CSMD1: variants seen among roughly 807,000 people sequenced by gnomAD.
The protein encoded by CSMD1 is CUB and Sushi multiple domains 1, also known as CUB and sushi domain-containing protein 1.
In CSMD1, 213 loss-of-function variants were observed where a neutral mutation model predicts 417.5. That is an observed-to-expected ratio of 0.51 (90% confidence interval 0.46 to 0.57). CSMD1 has a LOEUF of 0.57. Ranked by LOEUF, CSMD1 falls within the 20% of genes least tolerant of loss-of-function variation. CSMD1 has a pLI of 0.00. For missense variants in CSMD1, 6,923 were observed against 4,529.7 expected, an observed-to-expected ratio of 1.53 and a Z score of -15.17; for synonymous variants, 2,862 against 1,736.8, an observed-to-expected ratio of 1.65 and a Z score of -16.11.
chr8:4,225,641 A>G (rs1210690111), intron 3 of CSMD1, among the ~76,000 whole-genome samples: 1 of 152,066 alleles, frequency 6.6e-6, no homozygotes, highest in Non-Finnish European at 1.5e-5. Flanking sequence ...CTGCATCATA[A>G]CCAGAGAAAT....
At chr8:4,171,987 T>C (rs1244386621) in intron 3 of CSMD1, among the ~76,000 whole-genome samples, 1 of 152,198 alleles carries the variant, frequency 6.6e-6, no homozygotes, top group Non-Finnish European at 1.5e-5. Context: ...TTCATTTGAA[T>C]ATCACGGTTT....
At chr8:4,091,963 A>C (rs890402302) in intron 3 of CSMD1, among the ~76,000 whole-genome samples, 14 of 152,312 alleles carry the variant, frequency 9.2e-5, no homozygotes, top group African/African-American at 3.1e-4. Flanking sequence ...GGACTCACGT[A>C]ACTCTGCTAA....
At chr8:4,089,181 A>T (rs755420164) in intron 3 of CSMD1, among the ~76,000 whole-genome samples, 70 of 152,298 alleles carry the variant, frequency 4.6e-4, no homozygotes, top group Middle Eastern at 3.4e-3. Flanking sequence ...TTATGGTGAC[A>T]ATCTGTTTGG....
intron 3 of CSMD1, among the ~76,000 whole-genome samples, chr8:4,328,868 C>T (rs771493842): frequency 6.6e-6 from 1 of 152,188 alleles, no homozygotes; most frequent in Admixed American, 6.6e-5. Flanking sequence ...ATAACTGAAA[C>T]TCATAAAATG....
At chr8:3,434,803 C>T (rs1351875033) in intron 12 of CSMD1, among the ~76,000 whole-genome samples, 2 of 152,208 alleles carry the variant, frequency 1.3e-5, no homozygotes, top group African/African-American at 4.8e-5. Flanking sequence ...CCTTACACTT[C>T]TCGCCTATAT....
intron 5 of CSMD1, among the ~76,000 whole-genome samples, chr8:3,945,178 C>A (rs200600983): frequency 3.8e-3 from 446 of 118,756 alleles, no homozygotes; most frequent in Middle Eastern, 4.5e-3. Flanking sequence ...ATGAGAAAGA[C>A]AAAAAAAAAA....
chr8:4,094,838 G>A (rs148503434), intron 3 of CSMD1, among the ~76,000 whole-genome samples: 121 of 152,332 alleles, frequency 7.9e-4, no homozygotes, highest in African/African-American at 2.4e-3. Flanking sequence ...GGAAATAAAG[G>A]TGAAGCATAG....
chr8:4,057,507 T>G (rs529274742), intron 3 of CSMD1, among the ~76,000 whole-genome samples: 104 of 152,328 alleles, frequency 6.8e-4, no homozygotes, highest in African/African-American at 2.4e-3. Context: ...GACGGTAGTT[T>G]GTTTTGCTGT....
intron 2 of CSMD1, among the ~76,000 whole-genome samples, chr8:4,606,275 G>A (rs1192447074): frequency 6.6e-6 from 1 of 151,912 alleles, no homozygotes; most frequent in Non-Finnish European, 1.5e-5. Flanking sequence ...ATTAACCTAA[G>A]ACAAGGGACT....
chr8:3,564,418 T>C (rs1563158095), intron 10 of CSMD1, among the ~76,000 whole-genome samples: 1 of 152,208 alleles, frequency 6.6e-6, no homozygotes, highest in South Asian at 2.1e-4. Context: ...TGCAAGTCTA[T>C]TGTCTACAGC....
At chr8:4,963,694 G>C (rs1473547028) in intron 1 of CSMD1, among the ~76,000 whole-genome samples, 5 of 152,164 alleles carry the variant, frequency 3.3e-5, no homozygotes, top group African/African-American at 1.2e-4. Context: ...AGACACAGGT[G>C]TCTAAAAGCT....
chr8:3,935,303 C>A (rs529073143), intron 5 of CSMD1, among the ~76,000 whole-genome samples: 12 of 152,310 alleles, frequency 7.9e-5, no homozygotes, highest in Non-Finnish European at 1.8e-4. Flanking sequence ...CACTCCATAT[C>A]AGCATGAAAC....
In CSMD1 at chr8:3,849,861, G is replaced by A. The variant is rs1250982132; in HGVS notation, c.819-95819C>T. 2.0e-5 allele frequency among the ~76,000 whole-genome samples: 3 copies of A among 152,226 alleles called. No individual in the cohort carries two copies. The East Asian group carries it at 5.8e-4, about 29-fold the overall frequency. ...GATGGAGTCTCGCTCTGTCGCCCAG[G>A]CTGTAGTACAGTGGCGCAATCTCAG... On this transcript the variant is annotated intron_variant, in intron 5 of 69. Coordinates refer to ENST00000635120, the MANE Select transcript of CSMD1 (RefSeq NM_033225.6).
intron 3 of CSMD1, among the ~76,000 whole-genome samples, chr8:4,229,424 C>T (rs1180673592): frequency 6.6e-6 from 1 of 152,210 alleles, no homozygotes; most frequent in East Asian, 1.9e-4. Context: ...ACCACAATCA[C>T]TCATTATCTT....
At chr8:3,095,853 T>A (rs1398320498) in intron 47 of CSMD1, among the ~76,000 whole-genome samples, 1 of 152,222 alleles carries the variant, frequency 6.6e-6, no homozygotes, top group Non-Finnish European at 1.5e-5. Flanking sequence ...TTTAATCATA[T>A]CACTGTTAAA....
At chr8:4,552,923 C>A (rs990815142) in intron 2 of CSMD1, among the ~76,000 whole-genome samples, 1 of 152,130 alleles carries the variant, frequency 6.6e-6, no homozygotes, top group East Asian at 1.9e-4. Context: ...AGTTCCTATT[C>A]CCCAGAAGGG....
chr8:3,303,587 A>C (rs1009663582), intron 25 of CSMD1, among the ~76,000 whole-genome samples: 3 of 152,366 alleles, frequency 2.0e-5, no homozygotes, highest in African/African-American at 7.2e-5. Flanking sequence ...ACAGAAGTAC[A>C]TTCAAAGTGA....
In CSMD1 at chr8:3,670,913, GAT is replaced by G. The variant is rs1330138852; in HGVS notation, c.1009+37499_1009+37500del. 1.8e-3 allele frequency among the ~76,000 whole-genome samples: 263 copies of G among 147,668 alleles called. 1 individual carries two copies. The highest frequency in any genetic ancestry group is 0.016 in the Admixed American group (239 of 14,646). Reference sequence around the variant, plus strand: ...ATGTATGTGATATATATGTATATGGGATATATATGTATATGGGATATATATGT... The same window carrying G: ...ATGTATGTGATATATATGTATATGGGATATATGTATATGGGATATATATGT... On this transcript the variant is annotated intron_variant, in intron 7 of 69. Coordinates refer to ENST00000635120, the MANE Select transcript of CSMD1 (RefSeq NM_033225.6).
At chr8:4,326,464 C>T (rs1016241440) in intron 3 of CSMD1, among the ~76,000 whole-genome samples, 1 of 152,038 alleles carries the variant, frequency 6.6e-6, no homozygotes, top group South Asian at 2.1e-4. Flanking sequence ...TGCATATATG[C>T]TTGACATAAG....
Sources: gnomAD v4.1 joint callset for allele counts (sites outside exome capture counted in the v4.1 genomes callset) on GRCh38, gnomAD v4.1.1 for gene constraint, MANE v1.5 for transcripts, NCBI Gene and HGNC (gene_info 2026-07-23, HGNC 2026-07-21) for gene names.